CSMD1: variants seen among roughly 807,000 people sequenced by gnomAD.
The protein encoded by CSMD1 is CUB and sushi domain-containing protein 1.
A neutral mutation model predicts 417.5 loss-of-function variants in CSMD1; 213 were observed. The ratio of observed to expected loss-of-function variants is 0.51; its 90% CI spans 0.46 to 0.57. The LOEUF is 0.57. CSMD1 is among the 20% of genes least tolerant of loss of function. The pLI, the probability that CSMD1 is intolerant of heterozygous loss-of-function variation, is 0.00. For missense variants in CSMD1, 6,923 were observed against 4,529.7 expected (o/e 1.53, Z -15.17); for synonymous variants, 2,862 against 1,736.8 (o/e 1.65, Z -16.11).
intron 1 of CSMD1, among the ~76,000 whole-genome samples, chr8:4,785,980 G>T (rs79362807): frequency 1.3e-5 from 2 of 152,166 alleles, no homozygotes; most frequent in African/African-American, 2.4e-5. Flanking sequence ...CATCCTGCAT[G>T]GTAGCCAGGT....
chr8:4,519,598 G>A (rs908046811), intron 2 of CSMD1, among the ~76,000 whole-genome samples: 2 of 151,108 alleles, frequency 1.3e-5, no homozygotes, highest in Non-Finnish European at 2.9e-5. Flanking sequence ...AAATTAGCCC[G>A]ACATGGTTGC....
chr8:4,004,800 A>G (rs919778056), intron 4 of CSMD1, among the ~76,000 whole-genome samples: 2 of 152,114 alleles, frequency 1.3e-5, no homozygotes, highest in Non-Finnish European at 2.9e-5. Context: ...GCTGGAGTGC[A>G]GTGGCGCGAT....
chr8:3,321,772 G>A (rs1014156605), intron 23 of CSMD1, among the ~76,000 whole-genome samples: 9 of 152,080 alleles, frequency 5.9e-5, no homozygotes, highest in South Asian at 2.1e-4. Context: ...AAAGTTAACT[G>A]TATTTTCTAA....
chr8:4,846,648 G>C (rs1440461305), intron 1 of CSMD1, among the ~76,000 whole-genome samples: 1 of 152,210 alleles, frequency 6.6e-6, no homozygotes, highest in African/African-American at 2.4e-5. Context: ...AGCTAAGGAT[G>C]ACAACATGGA....
At chr8:4,313,187 T>A (rs1168550711) in intron 3 of CSMD1, among the ~76,000 whole-genome samples, 2 of 152,172 alleles carry the variant, frequency 1.3e-5, no homozygotes, top group African/African-American at 2.4e-5. Context: ...GTACATTTTT[T>A]AAACCTAGGG....
intron 3 of CSMD1, among the ~76,000 whole-genome samples, chr8:4,170,077 G>A (rs1241578559): frequency 2.0e-5 from 3 of 151,766 alleles, no homozygotes; most frequent in Admixed American, 6.6e-5. Context: ...AATTGTGGGT[G>A]AGTCAAAGAT....
chr8:3,182,111 GTATA>G (rs1462845292), intron 36 of CSMD1, among the ~76,000 whole-genome samples: 1 of 152,026 alleles, frequency 6.6e-6, no homozygotes, highest in African/African-American at 2.4e-5. Context: ...AAGTACTGCT[GTATA>G]AAGGGAGAAA....
chr8:3,740,601 G>A (rs1796749497), intron 6 of CSMD1, among the ~76,000 whole-genome samples: 2 of 152,162 alleles, frequency 1.3e-5, no homozygotes, highest in South Asian at 4.1e-4. Context: ...ACGAGCAGGG[G>A]CTGAGGTAGT....
chr8:4,128,884 A>G (rs1349786565), intron 3 of CSMD1, among the ~76,000 whole-genome samples: 4 of 151,984 alleles, frequency 2.6e-5, no homozygotes. Flanking sequence ...TATCATGAAT[A>G]TTTCTGTCTC....
intron 10 of CSMD1, among the ~76,000 whole-genome samples, chr8:3,549,848 C>G (rs1585346801): frequency 6.6e-6 from 1 of 152,052 alleles, no homozygotes. Flanking sequence ...CTGTTACAAG[C>G]AACAGACAGT....
chr8:4,283,083 T>C (rs548048896), intron 3 of CSMD1, among the ~76,000 whole-genome samples: 1 of 152,196 alleles, frequency 6.6e-6, no homozygotes, highest in Non-Finnish European at 1.5e-5. Flanking sequence ...AAGGTCAACA[T>C]CCTGTTTTTT....
chr8:4,219,427 G>C (rs1188305840), intron 3 of CSMD1, among the ~76,000 whole-genome samples: 2 of 152,066 alleles, frequency 1.3e-5, no homozygotes, highest in Non-Finnish European at 1.5e-5. Context: ...ATGGTAATTG[G>C]GCTCTGATCA....
intron 2 of CSMD1, among the ~76,000 whole-genome samples, chr8:4,464,026 A>G (rs1212000988): frequency 6.6e-6 from 1 of 152,162 alleles, no homozygotes; most frequent in African/African-American, 2.4e-5. Context: ...CACCTATATT[A>G]ATTCAGTTTA....
intron 1 of CSMD1, among the ~76,000 whole-genome samples, chr8:4,704,010 G>C (rs897248356): frequency 6.6e-6 from 1 of 152,140 alleles, no homozygotes; most frequent in African/African-American, 2.4e-5. Flanking sequence ...TAATGCCGAT[G>C]CCGATGTGAG....
intron 1 of CSMD1, among the ~76,000 whole-genome samples, chr8:4,870,158 A>G (rs1802651685): frequency 6.6e-6 from 1 of 152,144 alleles, no homozygotes; most frequent in Non-Finnish European, 1.5e-5. Flanking sequence ...AAATGTTTAA[A>G]CATCATGGAA....
chr8:3,983,223 C>T (rs530894928), intron 5 of CSMD1, among the ~76,000 whole-genome samples: 1 of 151,270 alleles, frequency 6.6e-6, no homozygotes, highest in South Asian at 2.1e-4. Context: ...CTCCACCTCC[C>T]GGGTTCACGC....
chr8:4,080,277 G>C (rs2216892), intron 3 of CSMD1, among the ~76,000 whole-genome samples: 77,638 of 151,982 alleles, frequency 0.51, 21,873 homozygotes, highest in South Asian at 0.68. Context: ...TACTTGACAA[G>C]TGCACACCAC....
intron 5 of CSMD1, among the ~76,000 whole-genome samples, chr8:3,762,958 A>C (rs1156365409): frequency 6.6e-6 from 1 of 151,472 alleles, no homozygotes; most frequent in Non-Finnish European, 1.5e-5. Flanking sequence ...TCATCCCCCA[A>C]CTCTCTTCAG....
intron 3 of CSMD1, among the ~76,000 whole-genome samples, chr8:4,254,630 C>T (rs1265986566): frequency 6.6e-6 from 1 of 152,170 alleles, no homozygotes; most frequent in East Asian, 1.9e-4. Flanking sequence ...TCCAGGCCTG[C>T]AAGATTTATC....
Sources: gnomAD v4.1 joint callset for allele counts (sites outside exome capture counted in the v4.1 genomes callset) on GRCh38, gnomAD v4.1.1 for gene constraint, MANE v1.5 for transcripts, NCBI Gene and HGNC (gene_info 2026-07-23, HGNC 2026-07-21) for gene names.